Variants in SGTB observed in about 807,000 individuals in gnomAD.
SGTB encodes small glutamine rich tetratricopeptide repeat co-chaperone beta, also known as small glutamine-rich tetratricopeptide repeat-containing protein beta.
SGTB carries 19 observed loss-of-function variants against 43.9 expected under a neutral mutation model. That is an observed-to-expected ratio of 0.43 (90% CI 0.30 to 0.63). SGTB has a LOEUF of 0.63. Among genes scored for constraint, SGTB ranks in the 30% least tolerant of loss-of-function variants. The probability of loss-of-function intolerance (pLI) is 0.12; values close to 1 mark genes in which losing one functional copy is unlikely to be tolerated. For missense variants in SGTB, 304 were observed against 358.9 expected (o/e 0.85, Z 1.24); for synonymous variants, 116 against 117.3 (o/e 0.99, Z 0.07).
intron 5 of SGTB, among the ~76,000 whole-genome samples, chr5:65,694,241 C>T (rs1757673393): frequency 6.6e-6 from 1 of 151,814 alleles, no homozygotes; most frequent in Admixed American, 6.6e-5. Context: ...ACCAGCCTGG[C>T]CAACATAGTG....
At chr5:65,672,333 C>T (rs1373803921) in intron 8 of SGTB, 52 bp from the exon 9 acceptor site, 5 of 1,557,830 alleles carry the variant, frequency 3.2e-6, no homozygotes, top group Admixed American at 3.7e-5. Flanking sequence ...ATGTAGGGAT[C>T]TTAGCAAAGA....
At chr5:65,687,294 A>G (rs1757516976) in intron 5 of SGTB, among the ~76,000 whole-genome samples, 1 of 152,226 alleles carries the variant, frequency 6.6e-6, no homozygotes, top group Non-Finnish European at 1.5e-5. Context: ...GTCAATAAGC[A>G]TTCATTAAAG....
At chr5:65,691,006 A>C (rs1204852936) in intron 5 of SGTB, among the ~76,000 whole-genome samples, 2 of 152,226 alleles carry the variant, frequency 1.3e-5, no homozygotes, top group Non-Finnish European at 2.9e-5. Flanking sequence ...CTAGTGGTGT[A>C]ATATTGGCTT....
At chr5:65,704,052 AT>A (rs1279576219) in intron 5 of SGTB, among the ~76,000 whole-genome samples, 3,735 of 144,474 alleles carry the variant, frequency 0.026, 70 homozygotes, top group Non-Finnish European at 0.04. Flanking sequence ...AAAAAAAAAA[AT>A]AAATAAATAA....
intron 3 of SGTB, among the ~76,000 whole-genome samples, chr5:65,712,160 A>C (rs149101729): frequency 1.3e-5 from 2 of 152,300 alleles, no homozygotes; most frequent in African/African-American, 4.8e-5. Context: ...CCAGCTACTC[A>C]CGAGTCTAAG....
At chr5:65,718,780 A>G (rs1471966267) in intron 2 of SGTB, among the ~76,000 whole-genome samples, 1 of 152,168 alleles carries the variant, frequency 6.6e-6, no homozygotes, top group Non-Finnish European at 1.5e-5. Flanking sequence ...TCTGACTGCC[A>G]TATATAACAA....
At chr5:65,707,762 T>G (rs1030575056) in intron 4 of SGTB, among the ~76,000 whole-genome samples, 1 of 152,118 alleles carries the variant, frequency 6.6e-6, no homozygotes, top group African/African-American at 2.4e-5. Flanking sequence ...CTCAACTGCC[T>G]TCTTCAAGGT....
intron 8 of SGTB, 94 bp downstream of exon 8, chr5:65,680,400 A>G: frequency 7.7e-7 from 1 of 1,294,814 alleles, no homozygotes; most frequent in Admixed American, 2.0e-5. Context: ...TACAACCACC[A>G]CCACAAAAAC....
At chr5:65,720,390 A>C (rs1758241322) in intron 2 of SGTB, among the ~76,000 whole-genome samples, 1 of 151,890 alleles carries the variant, frequency 6.6e-6, no homozygotes, top group African/African-American at 2.4e-5. Context: ...CCCTGGTTTT[A>C]TTTTCTCACT....
At position 65,686,780 on chromosome 5, in the gene SGTB, T is replaced by TAAGCACACACGAAAAC. The variant is rs1190927300; in HGVS notation, c.375-1324_375-1309dup. Reference sequence around the variant, plus strand: ...TTTCAAGGACCTAGCTGGAATCTAATAAGCACACACGAAAACAATAAAGCT... The same window carrying TAAGCACACACGAAAAC: ...TTTCAAGGACCTAGCTGGAATCTAATAAGCACACACGAAAACAAGCACACACGAAAACAATAAAGCT... On this transcript the variant is annotated intron_variant, in intron 5 of 10. Coordinates refer to ENST00000381007, the MANE Select transcript of SGTB (RefSeq NM_019072.3). Among the ~76,000 whole-genome samples the TAAGCACACACGAAAAC allele has an allele frequency of 5.3e-5, 8 of 152,198 alleles. No homozygotes were observed. In the East Asian group the frequency reaches 5.8e-4, roughly 11 times the overall value.
At chr5:65,719,911 T>C (rs971516165) in intron 2 of SGTB, among the ~76,000 whole-genome samples, 7 of 152,152 alleles carry the variant, frequency 4.6e-5, no homozygotes, top group African/African-American at 1.7e-4. Flanking sequence ...TTTTACATAG[T>C]GCTATTAAAA....
At chr5:65,720,857 C>A in intron 1 of SGTB, 28 bp from the exon 2 acceptor site, 2 of 1,595,642 alleles carry the variant, frequency 1.3e-6, no homozygotes, top group Non-Finnish European at 1.7e-6. Context: ...AAACACTGAA[C>A]TAAGTTATTT....
At chr5:65,720,917 A>G (rs557529269) in intron 1 of SGTB, 88 bp from the exon 2 acceptor site, 12 of 1,345,646 alleles carry the variant, frequency 8.9e-6, no homozygotes, top group Non-Finnish European at 1.1e-5. Flanking sequence ...TATGGGTTAT[A>G]AAGTGTATTA....
intron 8 of SGTB, 66 bp from the exon 9 acceptor site, chr5:65,672,347 T>G: frequency 6.2e-7 from 1 of 1,600,056 alleles, no homozygotes; most frequent in East Asian, 2.2e-5. Flanking sequence ...GCAAAGATTT[T>G]TTTTTTAGAA....
At chr5:65,695,898 C>T (rs1485827452) in intron 5 of SGTB, among the ~76,000 whole-genome samples, 2 of 152,128 alleles carry the variant, frequency 1.3e-5, no homozygotes, top group Non-Finnish European at 2.9e-5. Context: ...AGTGAGGAAA[C>T]TGAGGCTTAA....
intron 6 of SGTB, among the ~76,000 whole-genome samples, chr5:65,685,116 A>C (rs1434154352): frequency 5.9e-5 from 9 of 152,164 alleles, no homozygotes; most frequent in African/African-American, 1.9e-4. Context: ...CTGTCTGCCT[A>C]ACTGTCTGCA....
intron 3 of SGTB, among the ~76,000 whole-genome samples, chr5:65,710,047 T>C (rs2150721720): frequency 6.6e-6 from 1 of 152,310 alleles, no homozygotes; most frequent in East Asian, 1.9e-4. Context: ...ATGGGTCTTG[T>C]CCTTATTTTT....
chr5:65,673,576 C>T (rs995314707), intron 8 of SGTB, among the ~76,000 whole-genome samples: 1 of 152,200 alleles, frequency 6.6e-6, no homozygotes, highest in Non-Finnish European at 1.5e-5. Flanking sequence ...CTACCCCCTA[C>T]ACCCGGTATG....
At chr5:65,699,698 T>A (rs1477717216) in intron 5 of SGTB, among the ~76,000 whole-genome samples, 2 of 152,236 alleles carry the variant, frequency 1.3e-5, no homozygotes, top group Non-Finnish European at 2.9e-5. Flanking sequence ...CCTCAAGTGA[T>A]CCATCCGCCT....
Sources: gnomAD v4.1 joint callset for allele counts (sites outside exome capture counted in the v4.1 genomes callset) on GRCh38, gnomAD v4.1.1 for gene constraint, MANE v1.5 for transcripts, NCBI Gene and HGNC (gene_info 2026-07-23, HGNC 2026-07-21) for gene names.